The following PACRG variants were observed in gnomAD, a reference collection of about 807,000 sequenced individuals.
PACRG encodes the protein parkin coregulated gene protein.
Under a neutral mutation model 29.7 loss-of-function variants are expected in PACRG, and 29 were observed. The observed-to-expected ratio is 0.98, with a 90% CI of 0.73 to 1.33. The LOEUF (loss-of-function observed/expected upper bound fraction) is 1.33. Among genes scored for constraint, PACRG ranks in the 40% most tolerant of loss-of-function variants. PACRG has a pLI of 0.00. For synonymous variants in PACRG, 116 were observed against 118.7 expected, an observed-to-expected ratio of 0.98 and a Z score of 0.15; for missense variants, 279 against 316.2, an observed-to-expected ratio of 0.88 and a Z score of 0.89.
chr6:162,744,132 A>G (rs1048802807), intron 1 of PACRG, among the ~76,000 whole-genome samples: 2 of 152,130 alleles, frequency 1.3e-5, no homozygotes, highest in East Asian at 1.9e-4. Context: ...TTTAGTTTCT[A>G]CAGTCTAAGC....
At chr6:163,238,192 A>G (rs142594799) in intron 4 of PACRG, among the ~76,000 whole-genome samples, 22 of 152,366 alleles carry the variant, frequency 1.4e-4, no homozygotes, top group African/African-American at 5.3e-4. Flanking sequence ...TCAAAGTGTC[A>G]TATTCCTATT....
chr6:163,267,580 A>T (rs1461329473), intron 4 of PACRG, among the ~76,000 whole-genome samples: 2 of 152,230 alleles, frequency 1.3e-5, no homozygotes, highest in African/African-American at 4.8e-5. Flanking sequence ...TATAAGTCAA[A>T]TTTTATTAAT....
chr6:163,158,168 C>T (rs1166330051), intron 4 of PACRG, among the ~76,000 whole-genome samples: 1 of 152,158 alleles, frequency 6.6e-6, no homozygotes, highest in African/African-American at 2.4e-5. Context: ...TATGTGTTTT[C>T]TGCTTCTGTA....
At chr6:162,778,262 A>C (rs1473486819) in intron 1 of PACRG, among the ~76,000 whole-genome samples, 1 of 152,138 alleles carries the variant, frequency 6.6e-6, no homozygotes, top group Non-Finnish European at 1.5e-5. Flanking sequence ...CCCCATCAAA[A>C]GAGTATTATG....
At chr6:162,815,973 T>G (rs1224177067) in intron 2 of PACRG, among the ~76,000 whole-genome samples, 1 of 152,156 alleles carries the variant, frequency 6.6e-6, no homozygotes, top group African/African-American at 2.4e-5. Flanking sequence ...AGATTTACTA[T>G]GATTCAAATA....
At chr6:163,253,217 T>C (rs2128172780) in intron 4 of PACRG, among the ~76,000 whole-genome samples, 1 of 151,378 alleles carries the variant, frequency 6.6e-6, no homozygotes. Context: ...GGAGAATCAT[T>C]TGAACCCAGG....
intron 4 of PACRG, among the ~76,000 whole-genome samples, chr6:163,243,146 G>T (rs1323492522): frequency 2.6e-5 from 4 of 152,214 alleles, no homozygotes; most frequent in African/African-American, 9.6e-5. Context: ...TAGGTTACGT[G>T]ATGTATCACT....
chr6:162,886,687 T>C (rs1314965498), intron 2 of PACRG, among the ~76,000 whole-genome samples: 1 of 152,196 alleles, frequency 6.6e-6, no homozygotes, highest in East Asian at 1.9e-4. Context: ...GTCACAGAGA[T>C]GAAATTGATT....
intron 2 of PACRG, among the ~76,000 whole-genome samples, chr6:162,907,887 C>A (rs1051216164): frequency 6.6e-6 from 1 of 152,090 alleles, no homozygotes; most frequent in Non-Finnish European, 1.5e-5. Context: ...AAGGACCAGA[C>A]TTATGACACT....
At chr6:163,199,860 A>G (rs1209231010) in intron 4 of PACRG, among the ~76,000 whole-genome samples, 1 of 152,222 alleles carries the variant, frequency 6.6e-6, no homozygotes, top group Admixed American at 6.5e-5. Flanking sequence ...GTCTATATAC[A>G]TAGATAGCTA....
chr6:162,848,371 C>T (rs1315232572), intron 2 of PACRG, among the ~76,000 whole-genome samples: 1 of 152,202 alleles, frequency 6.6e-6, no homozygotes, highest in African/African-American at 2.4e-5. Flanking sequence ...CAGGAAAACA[C>T]AGCCTCTGAT....
chr6:163,262,458 T>C (rs1783362023), intron 4 of PACRG, among the ~76,000 whole-genome samples: 1 of 152,158 alleles, frequency 6.6e-6, no homozygotes, highest in Non-Finnish European at 1.5e-5. Flanking sequence ...GGCTTTATAA[T>C]GATCCGGCAA....
chr6:162,911,414 C>T (rs1796294015), intron 2 of PACRG, among the ~76,000 whole-genome samples: 1 of 152,162 alleles, frequency 6.6e-6, no homozygotes, highest in African/African-American at 2.4e-5. Context: ...AAAATAAATG[C>T]AATGTTCTGG....
chr6:162,783,647 C>G (rs1399779538), intron 1 of PACRG, among the ~76,000 whole-genome samples: 1 of 151,860 alleles, frequency 6.6e-6, no homozygotes, highest in Non-Finnish European at 1.5e-5. Context: ...TTAAAATATG[C>G]TATGATAATT....
At chr6:163,131,134 C>T (rs574843274) in intron 4 of PACRG, among the ~76,000 whole-genome samples, 2 of 152,064 alleles carry the variant, frequency 1.3e-5, no homozygotes, top group Admixed American at 6.6e-5. Flanking sequence ...GGTGAAACCC[C>T]GTCTCTACTA....
intron 4 of PACRG, among the ~76,000 whole-genome samples, chr6:163,239,804 A>C: frequency 8.0e-6 from 1 of 124,408 alleles, no homozygotes; most frequent in Non-Finnish European, 1.7e-5. Context: ...ACACATTCAC[A>C]CTCCCACTCC....
At chr6:162,995,774 AT>A (rs1803981041) in intron 2 of PACRG, among the ~76,000 whole-genome samples, 1 of 152,082 alleles carries the variant, frequency 6.6e-6, no homozygotes, top group African/African-American at 2.4e-5. Flanking sequence ...GTACTTCCTT[AT>A]TTTTAAGCCT....
chr6:163,181,256 G>A (rs1779644598), intron 4 of PACRG, among the ~76,000 whole-genome samples: 1 of 152,138 alleles, frequency 6.6e-6, no homozygotes, highest in African/African-American at 2.4e-5. Context: ...CAAAGGAAGG[G>A]TTAAAGAATA....
chr6:163,144,398 G>A (rs1367149581), intron 4 of PACRG, among the ~76,000 whole-genome samples: 3 of 151,862 alleles, frequency 2.0e-5, no homozygotes, highest in Non-Finnish European at 2.9e-5. Flanking sequence ...ACGTGGGTTA[G>A]TAATATGTAA....
Sources: allele counts gnomAD v4.1 joint callset (sites outside exome capture counted in the v4.1 genomes callset), GRCh38; gene constraint gnomAD v4.1.1; transcripts MANE v1.5; gene names NCBI Gene and HGNC (gene_info 2026-07-23, HGNC 2026-07-21).